The following CTNNA2 variants were observed in gnomAD, a reference collection of about 807,000 sequenced individuals.
The protein encoded by CTNNA2 is catenin alpha 2.
In CTNNA2, 42 loss-of-function variants were observed where a neutral mutation model predicts 101.0. The observed-to-expected ratio is 0.42, with a 90% CI of 0.32 to 0.54. The LOEUF is 0.54. Among genes scored for constraint, CTNNA2 ranks in the 20% least tolerant of loss-of-function variants. CTNNA2 has a pLI of 0.14. For missense variants in CTNNA2, 871 were observed against 1,223.1 expected (o/e 0.71, Z 4.29); for synonymous variants, 450 against 456.4 (o/e 0.99, Z 0.18).
intron 7 of CTNNA2, among the ~76,000 whole-genome samples, chr2:80,054,547 G>A (rs954662486): frequency 1.3e-5 from 2 of 152,194 alleles, no homozygotes; most frequent in African/African-American, 4.8e-5. Flanking sequence ...GTGCCAGGCA[G>A]GGGTAGGATG....
intron 1 of CTNNA2, among the ~76,000 whole-genome samples, chr2:79,193,348 T>G (rs1291860268): frequency 6.6e-6 from 1 of 152,192 alleles, no homozygotes; most frequent in African/African-American, 2.4e-5. Context: ...GTATTTTTAC[T>G]GTACCTTTTC....
chr2:80,334,254 A>C (rs1205439724), intron 7 of CTNNA2, among the ~76,000 whole-genome samples: 1 of 152,186 alleles, frequency 6.6e-6, no homozygotes, highest in Non-Finnish European at 1.5e-5. Context: ...TTTAAAATTC[A>C]CATATAATCA....
intron 3 of CTNNA2, among the ~76,000 whole-genome samples, chr2:79,753,381 C>G (rs1672176335): frequency 6.6e-6 from 1 of 152,144 alleles, no homozygotes; most frequent in African/African-American, 2.4e-5. Context: ...CTCAAATTTT[C>G]TCAATAGGCA....
At chr2:79,598,441 G>A (rs937049457) in intron 1 of CTNNA2, among the ~76,000 whole-genome samples, 3 of 152,206 alleles carry the variant, frequency 2.0e-5, no homozygotes, top group African/African-American at 7.2e-5. Flanking sequence ...ATGAATGAGA[G>A]TTCTTGTTGC....
At chr2:80,275,082 A>G (rs546460699) in intron 7 of CTNNA2, among the ~76,000 whole-genome samples, 15 of 152,218 alleles carry the variant, frequency 9.9e-5, no homozygotes, top group Admixed American at 3.3e-4. Flanking sequence ...GCTCCTTTAC[A>G]TATAGTTCTC....
chr2:80,351,700 C>T (rs1353572843), intron 7 of CTNNA2, among the ~76,000 whole-genome samples: 1 of 152,066 alleles, frequency 6.6e-6, no homozygotes, highest in African/African-American at 2.4e-5. Context: ...TTGAAAATAA[C>T]TAAAATCGTG....
At chr2:79,599,823 T>C (rs868146179) in intron 1 of CTNNA2, among the ~76,000 whole-genome samples, 4 of 152,244 alleles carry the variant, frequency 2.6e-5, no homozygotes, top group African/African-American at 9.6e-5. Flanking sequence ...ATTCGTACTT[T>C]GACTTCTTGA....
chr2:79,551,337 G>A (rs555314617), intron 1 of CTNNA2, among the ~76,000 whole-genome samples: 1 of 152,258 alleles, frequency 6.6e-6, no homozygotes, highest in African/African-American at 2.4e-5. Context: ...AGATAAAAGA[G>A]GCAAGAGGTT....
chr2:80,305,611 T>C (rs962302461), intron 7 of CTNNA2, among the ~76,000 whole-genome samples: 2 of 152,192 alleles, frequency 1.3e-5, no homozygotes, highest in African/African-American at 4.8e-5. Context: ...TGTGCCACTT[T>C]TTCCTCTGAG....
chr2:79,903,289 T>C (rs972703941), intron 6 of CTNNA2, among the ~76,000 whole-genome samples: 2 of 152,118 alleles, frequency 1.3e-5, no homozygotes, highest in African/African-American at 4.8e-5. Context: ...TCCTGATTTG[T>C]AGTTTCCTCA....
chr2:79,236,847 T>G (rs1423878084), intron 2 of CTNNA2, among the ~76,000 whole-genome samples: 1 of 152,218 alleles, frequency 6.6e-6, no homozygotes. Context: ...CAGGCTCCAT[T>G]TTTAATTATA....
At chr2:80,031,883 T>C (rs924046606) in intron 7 of CTNNA2, among the ~76,000 whole-genome samples, 11 of 152,204 alleles carry the variant, frequency 7.2e-5, no homozygotes, top group African/African-American at 1.7e-4. Context: ...TAGATAAATA[T>C]GCAGACAACA....
chr2:80,154,968 A>AT (rs1703920788), intron 7 of CTNNA2, among the ~76,000 whole-genome samples: 1 of 149,868 alleles, frequency 6.7e-6, no homozygotes, highest in Non-Finnish European at 1.5e-5. Flanking sequence ...TAGCCAATAC[A>AT]TGTTGAGATA....
chr2:79,877,026 T>C (rs1270852973), intron 6 of CTNNA2, among the ~76,000 whole-genome samples: 3 of 151,670 alleles, frequency 2.0e-5, no homozygotes, highest in Non-Finnish European at 4.4e-5. Flanking sequence ...TTTAAACTTC[T>C]ATATTAACTA....
intron 3 of CTNNA2, among the ~76,000 whole-genome samples, chr2:79,768,511 G>T (rs1023458441): frequency 2.0e-5 from 3 of 151,542 alleles, no homozygotes; most frequent in Admixed American, 1.3e-4. Context: ...CCACCATCTT[G>T]CTCTGCCTCC....
rs926475478 is a variant in CTNNA2, at chr2:80,642,554, A to G, written c.2575-5031A>G. Among the ~76,000 whole-genome samples, 3 of 152,170 alleles carry G rather than the reference A, an allele frequency of 2.0e-5. No homozygotes were observed. In the East Asian group the frequency reaches 5.8e-4, roughly 29 times the overall value. On this transcript the variant is annotated intron_variant, in intron 18 of 18. Coordinates refer to ENST00000402739, the MANE Select transcript of CTNNA2 (RefSeq NM_001282597.3). ...ATGTAGGGATAGACTGGAGGATAAA[A>G]AGTCAGTGATAATTCAACATTTCAA...
Position 79,858,207 on chromosome 2 carries a change from T to G in CTNNA2, c.465+28T>G, listed in dbSNP as rs373448067. On this transcript the variant is annotated intron_variant, in intron 4 of 18. Coordinates refer to ENST00000402739, the MANE Select transcript of CTNNA2 (RefSeq NM_001282597.3). The stretch of plus-strand genomic sequence containing the variant: ...ACGTATGTAGAACTTATCAAAACTT[T>G]CTTTATGTGAGTGGCAATCTTGACC... The G allele has an allele frequency of 4.4e-6, 7 of 1,576,798 alleles. No individual in the cohort carries two copies. In the African/African-American group the frequency reaches 6.7e-5, roughly 15 times the overall value.
chr2:79,670,691 G>C (rs1165071066), intron 2 of CTNNA2, among the ~76,000 whole-genome samples: 1 of 151,940 alleles, frequency 6.6e-6, no homozygotes, highest in Non-Finnish European at 1.5e-5. Flanking sequence ...TTAGTTTTTG[G>C]CAAAAACCAA....
intron 7 of CTNNA2, among the ~76,000 whole-genome samples, chr2:80,054,429 A>C (rs1572955875): frequency 6.6e-6 from 1 of 152,234 alleles, no homozygotes; most frequent in Admixed American, 6.5e-5. Context: ...TGACTCCTTA[A>C]CCCTGCAGCC....
Sources: allele counts gnomAD v4.1 joint callset (sites outside exome capture counted in the v4.1 genomes callset), GRCh38; gene constraint gnomAD v4.1.1; transcripts MANE v1.5; gene names NCBI Gene and HGNC (gene_info 2026-07-23, HGNC 2026-07-21).